Variants in SORCS1 observed in about 807,000 individuals in gnomAD.
SORCS1 encodes sortilin related VPS10 domain containing receptor 1.
Under a neutral mutation model 146.1 loss-of-function variants are expected in SORCS1, and 60 were observed. That is an observed-to-expected ratio of 0.41 (90% confidence interval 0.33 to 0.51). SORCS1 has a LOEUF of 0.51. Ranked by LOEUF, SORCS1 falls within the 20% of genes least tolerant of loss-of-function variation. The pLI, the probability that SORCS1 is intolerant of heterozygous loss-of-function variation, is 0.21. For synonymous variants in SORCS1, 637 were observed against 584.0 expected (o/e 1.09, Z -1.31); for missense variants, 1,352 against 1,487.6 (o/e 0.91, Z 1.50).
At chr10:106,823,303 A>G (rs1216357450) in intron 3 of SORCS1, among the ~76,000 whole-genome samples, 1 of 152,186 alleles carries the variant, frequency 6.6e-6, no homozygotes, top group Non-Finnish European at 1.5e-5. Flanking sequence ...AAGTCCTGGC[A>G]TTTAAAATAT....
intron 23 of SORCS1, among the ~76,000 whole-genome samples, chr10:106,599,936 T>A (rs1846142170): frequency 6.6e-6 from 1 of 152,058 alleles, no homozygotes; most frequent in South Asian, 2.1e-4. Flanking sequence ...CACATCCGGC[T>A]ATTTTGTTGT....
upstream of SORCS1, among the ~76,000 whole-genome samples, chr10:107,165,419 TGCAA>T (rs1970021068): frequency 6.6e-6 from 1 of 152,056 alleles, no homozygotes; most frequent in Non-Finnish European, 1.5e-5. This position sits in a 1 kb window ranked among gnomAD's most constrained non-coding sequence, Gnocchi z 4.0. Flanking sequence ...TCTTCCTGCA[TGCAA>T]TCATATTTAA....
intron 5 of SORCS1, among the ~76,000 whole-genome samples, chr10:106,754,003 A>G (rs1000954237): frequency 3.9e-5 from 6 of 152,200 alleles, no homozygotes; most frequent in Non-Finnish European, 7.3e-5. Context: ...GAAAAAGAGG[A>G]CTGAAACATC....
intron 1 of SORCS1, among the ~76,000 whole-genome samples, chr10:107,162,671 C>A (rs1391126806): frequency 6.6e-6 from 1 of 151,998 alleles, no homozygotes; most frequent in Non-Finnish European, 1.5e-5. Context: ...ATCTGTGTAC[C>A]CAAGGAATTC....
intron 2 of SORCS1, among the ~76,000 whole-genome samples, chr10:106,931,341 T>G (rs565526541): frequency 6.6e-6 from 1 of 152,312 alleles, no homozygotes; most frequent in Admixed American, 6.5e-5. Flanking sequence ...GGGTTTACAG[T>G]AGCAGTAGGA....
intron 1 of SORCS1, among the ~76,000 whole-genome samples, chr10:107,042,906 G>A (rs1326062756): frequency 6.6e-6 from 1 of 152,138 alleles, no homozygotes; most frequent in Non-Finnish European, 1.5e-5. Context: ...CTTGCCGGAA[G>A]TGAACTATTA....
intron 2 of SORCS1, among the ~76,000 whole-genome samples, chr10:106,890,379 C>T (rs1215959783): frequency 6.6e-6 from 1 of 152,082 alleles, no homozygotes; most frequent in Non-Finnish European, 1.5e-5. Flanking sequence ...TGTGATAAGA[C>T]TGCCATCAAT....
At chr10:106,942,519 T>C (rs1474628498) in intron 2 of SORCS1, among the ~76,000 whole-genome samples, 2 of 152,218 alleles carry the variant, frequency 1.3e-5, no homozygotes, top group African/African-American at 4.8e-5. Context: ...TGCCAGCTCC[T>C]GAGCTGTCCC....
chr10:106,890,032 T>TA (rs1369468967), intron 2 of SORCS1, among the ~76,000 whole-genome samples: 3 of 151,888 alleles, frequency 2.0e-5, no homozygotes, highest in African/African-American at 7.3e-5. Flanking sequence ...AACCTAAGGG[T>TA]AAATTATCTG....
At chr10:107,135,309 C>T (rs1046308368) in intron 1 of SORCS1, among the ~76,000 whole-genome samples, 2 of 152,206 alleles carry the variant, frequency 1.3e-5, no homozygotes, top group Admixed American at 6.5e-5. Flanking sequence ...CCAGATGGCA[C>T]TGAGCACAGT....
At chr10:107,070,362 C>T (rs995390732) in intron 1 of SORCS1, among the ~76,000 whole-genome samples, 3 of 152,100 alleles carry the variant, frequency 2.0e-5, no homozygotes, top group Non-Finnish European at 4.4e-5. Flanking sequence ...CCATGCTTAA[C>T]TTTTTGAGTG....
chr10:106,823,176 T>G (rs1023895528), intron 3 of SORCS1, among the ~76,000 whole-genome samples: 1 of 152,156 alleles, frequency 6.6e-6, no homozygotes, highest in Non-Finnish European at 1.5e-5. Flanking sequence ...AGAGTTAAGG[T>G]GGAATGAGCA....
chr10:106,597,363 G>A lies in SORCS1; in HGVS notation c.3253C>T (p.His1085Tyr), dbSNP rs777779939. ...PGVRVLVHAAHLTAAPLVDLT... is the reference protein window; with the variant it reads ...PGVRVLVHAAYLTAAPLVDLT... The stretch of plus-strand genomic sequence containing the variant: ...CATGGACACTGACCCGCTGTTAAGT[G>A]AGCAGCATGGACAAGGACTCGGACT... Residue 1085 changes from histidine to tyrosine, a missense_variant, in exon 24 of 26, where the codon CAC becomes TAC. By Grantham distance (83) the His-to-Tyr change is moderately conservative (BLOSUM62 2). Transcript: ENST00000263054. The A allele has an allele frequency of 3.1e-6, 5 of 1,613,872 alleles. No homozygotes were observed. The East Asian group carries it at 6.7e-5, about 22-fold the overall frequency.
At chr10:106,775,817 C>T (rs1860388759) in intron 4 of SORCS1, among the ~76,000 whole-genome samples, 1 of 152,158 alleles carries the variant, frequency 6.6e-6, no homozygotes, top group Non-Finnish European at 1.5e-5. Context: ...TTAGCTATTG[C>T]TAGCCTTTTA....
chr10:106,956,477 TAACACG>T (rs761841260), intron 2 of SORCS1, 30 bp downstream of exon 2: 18 of 1,600,894 alleles, frequency 1.1e-5, no homozygotes. Flanking sequence ...CATGCTTAAA[TAACACG>T]GTAATTATTA....
At chr10:106,696,213 C>G (rs540658098) in intron 9 of SORCS1, among the ~76,000 whole-genome samples, 37 of 152,346 alleles carry the variant, frequency 2.4e-4, no homozygotes, top group African/African-American at 7.2e-4. Context: ...TGTATGCTAT[C>G]TCTGTAACCC....
chr10:106,595,622 C>T (rs985081947), intron 24 of SORCS1, among the ~76,000 whole-genome samples: 1 of 152,098 alleles, frequency 6.6e-6, no homozygotes, highest in African/African-American at 2.4e-5. Context: ...AAGATAAAAT[C>T]CAAGAAGGTA....
intron 2 of SORCS1, among the ~76,000 whole-genome samples, chr10:106,955,046 C>T (rs1207355252): frequency 6.6e-6 from 1 of 152,256 alleles, no homozygotes; most frequent in African/African-American, 2.4e-5. Context: ...GCCTAGGAGG[C>T]ATGGGCTAGA....
intron 5 of SORCS1, among the ~76,000 whole-genome samples, chr10:106,754,525 A>T (rs1858491508): frequency 6.6e-6 from 1 of 152,146 alleles, no homozygotes; most frequent in South Asian, 2.1e-4. Context: ...ATTTCACATC[A>T]ATTATTTGAG....
Sources: allele counts gnomAD v4.1 joint callset (sites outside exome capture counted in the v4.1 genomes callset), GRCh38; gene constraint gnomAD v4.1.1; non-coding constraint Gnocchi (gnomAD v3.1); transcripts MANE v1.5; gene names NCBI Gene and HGNC (gene_info 2026-07-23, HGNC 2026-07-21).